WDR83: variants seen among roughly 807,000 people sequenced by gnomAD.
WDR83 encodes the protein WD repeat domain 83, also known as WD repeat domain-containing protein 83.
In WDR83, 37 loss-of-function variants were observed where a neutral mutation model predicts 37.7. The ratio of observed to expected loss-of-function variants is 0.98; its 90% CI spans 0.76 to 1.29. The LOEUF (loss-of-function observed/expected upper bound fraction) is 1.29. Among genes scored for constraint, WDR83 ranks in the 50% most tolerant of loss-of-function variants. The probability of loss-of-function intolerance (pLI) is 0.00; values close to 1 mark genes in which losing one functional copy is unlikely to be tolerated. For missense variants in WDR83, 445 were observed against 414.4 expected, an observed-to-expected ratio of 1.07 and a Z score of -0.64; for synonymous variants, 174 against 181.1, an observed-to-expected ratio of 0.96 and a Z score of 0.31.
Position 12,669,296 on chromosome 19 carries a change from C to A in WDR83, c.-36-459C>A, listed in dbSNP as rs972152388. The A allele has an allele frequency of 9.3e-6, 15 of 1,606,300 alleles. No individual in the cohort carries two copies. In the African/African-American group the frequency reaches 1.6e-4, roughly 17 times the overall value. ...GCCCCCGGGATAGACAGGCGCTTCC[C>A]AGGGCCCCGATCCACACCCACAACC... On this transcript the variant is annotated intron_variant, in intron 2 of 10. Transcript: ENST00000418543.
intron 7 of WDR83, among the ~76,000 whole-genome samples, chr19:12,671,664 TTAAATAAA>T (rs879524599): frequency 2.0e-5 from 3 of 152,092 alleles, no homozygotes; most frequent in African/African-American, 7.2e-5. Context: ...AGTAAATAAA[TTAAATAAA>T]TAAATACATA....
rs770112156 is a variant in WDR83, at chr19:12,673,316, G to A, written c.798G>A (p.Glu266=). The A allele has an allele frequency of 6.2e-7, 1 of 1,612,376 alleles. No individual in the cohort carries two copies. Among genetic ancestry groups the A allele is most frequent in the Non-Finnish European group, 8.5e-7 (1 of 1,178,842 alleles). ...AGGTGTTCTTCTGGGACCTGGTGGAGGTGAGGTGCCCCCAGCCCTACTTCA... is the reference window on the plus strand; with the variant it reads ...AGGTGTTCTTCTGGGACCTGGTGGAAGTGAGGTGCCCCCAGCCCTACTTCA... ...DGKVFFWDLV[E]GALALALPVG... Residue 266 remains glutamate, a splice_region_variant and synonymous_variant, in exon 10 of 11, where the codon GAG becomes GAA. Coordinates refer to ENST00000418543, the MANE Select transcript of WDR83 (RefSeq NM_001099737.3).
chr19:12,668,507 G>A lies in WDR83; in HGVS notation c.-156-1G>A, dbSNP rs2024320238. On this transcript the variant is annotated splice_acceptor_variant, in intron 1 of 10. Transcript: ENST00000418543. LOFTEE classifies it low-confidence loss of function (5UTR_SPLICE). ...TTACTCAAGAGTCACTTGTTCTGTA[G>A]GGCAAGTCTCACATGAAGCTACTCA... 2 of 1,613,836 alleles carry A rather than the reference G, an allele frequency of 1.2e-6. No homozygotes were observed. The highest frequency in any genetic ancestry group is 1.7e-5 in the Admixed American group (1 of 59,966).
chr19:12,675,255 C>A (rs1435267167), intron 10 of WDR83, among the ~76,000 whole-genome samples: 1 of 152,164 alleles, frequency 6.6e-6, no homozygotes, highest in African/African-American at 2.4e-5. Context: ...GGTAAGACCC[C>A]ATCTCTGCTA....
chr19:12,671,198 G>A (rs922636518), intron 7 of WDR83: 2 of 198,200 alleles, frequency 1.0e-5, no homozygotes, highest in Non-Finnish European at 2.2e-5. Context: ...TGTGGTGACG[G>A]GAGCCTGTAA....
chr19:12,670,427 C>T lies in WDR83; in HGVS notation c.331-136C>T, dbSNP rs2024377951. 4 of 1,509,298 alleles carry T rather than the reference C, an allele frequency of 2.7e-6. No individual in the cohort carries two copies. In the Admixed American group the frequency reaches 5.2e-5, roughly 20 times the overall value. The allele number at this position is 1,509,298 out of a possible 1,614,324, so 93.5% of individuals were successfully genotyped here. A position where few individuals can be genotyped will look rare whatever the true frequency, so the allele number is the denominator to read the frequency against. On this transcript the variant is annotated intron_variant, in intron 5 of 10. Transcript: ENST00000418543. ...CACTCCGCATGCCAGGCTAGGCAGT[C>T]ACCAACCCCTGTCCTTGCTGTTCCC...
At chr19:12,670,366 A>G in intron 5 of WDR83, 81 bp downstream of exon 5, 1 of 1,539,544 alleles carries the variant, frequency 6.5e-7, no homozygotes, top group African/African-American at 1.4e-5. Context: ...CACCCCCATT[A>G]CACCGTAAGG....
intron 7 of WDR83, chr19:12,672,533 G>A (rs541754721): frequency 3.3e-5 from 12 of 358,650 alleles, no homozygotes; most frequent in African/African-American, 1.5e-4. Flanking sequence ...TCTTGAACCC[G>A]GGAGGCAGAG....
intron 10 of WDR83, 90 bp downstream of exon 10, chr19:12,673,406 G>A (rs2024479782): frequency 2.5e-5 from 10 of 394,414 alleles, no homozygotes; most frequent in South Asian, 2.3e-4. Context: ...CTGAAGGCTA[G>A]GATCTTTTTT....
At chr19:12,672,947 G>A (rs1252799866) in intron 8 of WDR83, 33 bp downstream of exon 8, 4 of 1,595,658 alleles carry the variant, frequency 2.5e-6, no homozygotes, top group African/African-American at 1.3e-5. Flanking sequence ...GACAGGCAGG[G>A]AAGATGGGGG....
In WDR83 at chr19:12,675,763, A is replaced by G. The variant is rs2024558179; in HGVS notation, c.*91A>G. On this transcript the variant is annotated 3_prime_UTR_variant, in exon 11 of 11. Transcript: ENST00000418543. Reference sequence around the variant, plus strand: ...CTTATTCTAGAGACGTAGCTGACCAAAAAGTAGGGGAGGGGCTGGGTCTGC... The same window carrying G: ...CTTATTCTAGAGACGTAGCTGACCAGAAAGTAGGGGAGGGGCTGGGTCTGC... 6.4e-7 allele frequency: 1 copy of G among 1,567,534 alleles called. No individual in the cohort carries two copies. Among genetic ancestry groups the G allele is most frequent in the African/African-American group, 1.4e-5 (1 of 73,412 alleles).
intron 10 of WDR83, among the ~76,000 whole-genome samples, chr19:12,674,547 GCC>G (rs2145329778): frequency 6.6e-6 from 1 of 152,324 alleles, no homozygotes; most frequent in South Asian, 2.1e-4. Flanking sequence ...AACAGAAGTT[GCC>G]TTGGAGGGCA....
intron 2 of WDR83, chr19:12,669,500 T>C (rs1017224762): frequency 2.8e-6 from 4 of 1,435,200 alleles, no homozygotes; most frequent in Non-Finnish European, 3.8e-6. Context: ...CCCGAGGCCC[T>C]CGCATTTCCG....
In WDR83 at chr19:12,668,520, A is replaced by C; in HGVS notation, c.-144A>C. 1 of 1,614,152 alleles carries C rather than the reference A, an allele frequency of 6.2e-7. No individual in the cohort carries two copies. The highest frequency in any genetic ancestry group is 2.2e-5 in the East Asian group (1 of 44,886). On this transcript the variant is annotated 5_prime_UTR_variant, in exon 2 of 11. It removes an upstream start codon present in the reference 5' UTR. Coordinates refer to ENST00000418543, the MANE Select transcript of WDR83 (RefSeq NM_001099737.3). The stretch of plus-strand genomic sequence containing the variant: ...ACTTGTTCTGTAGGGCAAGTCTCAC[A>C]TGAAGCTACTCATCATTTGCTTCGT...
Position 12,672,891 on chromosome 19 carries a change from A to C in WDR83, c.551A>C (p.Gln184Pro). ...AGACGCTATGACCTAAGGATGGGGC[A>C]GCTCTTCTCAGACTACGTGGGCAGT... ...RVRRYDLRMG[Q>P]LFSDYVGSPI... The change falls in exon 8 of 11, where the codon CAG becomes CCG. Residue 184 changes from glutamine (Q) to proline (P), a missense_variant. Transcript: ENST00000418543. 6.3e-7 allele frequency: 1 copy of C among 1,597,448 alleles called. No homozygotes were observed. Among genetic ancestry groups the C allele is most frequent in the Non-Finnish European group, 8.5e-7 (1 of 1,171,940 alleles).
intron 2 of WDR83, 67 bp from the exon 3 acceptor site, chr19:12,669,688 G>A (rs985314110): frequency 8.7e-6 from 11 of 1,264,116 alleles, no homozygotes; most frequent in South Asian, 4.4e-5. Context: ...CAGGAAGTAG[G>A]TCAGGAAGAA....
Position 12,669,736 on chromosome 19 carries a change from C to T in WDR83, c.-36-19C>T. 3 of 1,515,274 alleles carry T rather than the reference C, an allele frequency of 2.0e-6. No individual in the cohort carries two copies. The highest frequency in any genetic ancestry group is 2.2e-5 in the Admixed American group (1 of 45,930). The allele number at this position is 1,515,274 out of a possible 1,614,324, so 93.9% of individuals were successfully genotyped here. A position where few individuals can be genotyped will look rare whatever the true frequency, so the allele number is the denominator to read the frequency against. Reference sequence around the variant, plus strand: ...TACACCCAAGCGTGGGTTTCTAAGGCGCGGAATTTTCCGTACAGACCGATT... The same window carrying T: ...TACACCCAAGCGTGGGTTTCTAAGGTGCGGAATTTTCCGTACAGACCGATT... On this transcript the variant is annotated intron_variant, in intron 2 of 10. Transcript: ENST00000418543.
chr19:12,668,706 C>T (rs1301975095), intron 2 of WDR83, 79 bp downstream of exon 2: 2 of 1,050,666 alleles, frequency 1.9e-6, no homozygotes, highest in Non-Finnish European at 2.9e-6. Context: ...ATCATGCCCA[C>T]TGATTCCATC....
At chr19:12,671,870 G>C (rs1262546609) in intron 7 of WDR83, among the ~76,000 whole-genome samples, 1 of 151,980 alleles carries the variant, frequency 6.6e-6, no homozygotes, top group Non-Finnish European at 1.5e-5. Context: ...GCTAATTTTT[G>C]TATTTTTAGT....
Sources: allele counts gnomAD v4.1 joint callset (sites outside exome capture counted in the v4.1 genomes callset), GRCh38; gene constraint gnomAD v4.1.1; transcripts MANE v1.5; gene names NCBI Gene and HGNC (gene_info 2026-07-23, HGNC 2026-07-21).